GALNT2: variants seen among roughly 807,000 people sequenced by gnomAD.
The protein encoded by GALNT2 is polypeptide N-acetylgalactosaminyltransferase 2.
In GALNT2, 31 loss-of-function variants were observed where a neutral mutation model predicts 81.4. That is an observed-to-expected ratio of 0.38 (90% CI 0.29 to 0.51). The LOEUF (loss-of-function observed/expected upper bound fraction) is 0.51. GALNT2 is among the 20% of genes least tolerant of loss of function. GALNT2 has a pLI of 0.87. For synonymous variants in GALNT2, 303 were observed against 287.4 expected, an observed-to-expected ratio of 1.05 and a Z score of -0.55; for missense variants, 629 against 765.7, an observed-to-expected ratio of 0.82 and a Z score of 2.11.
In GALNT2 at chr1:230,236,728, A is replaced by G; in HGVS notation, c.607+3A>G. On this transcript the variant is annotated splice_donor_region_variant and intron_variant, in intron 6 of 15. Transcript: ENST00000366672. ...TCTTAGAAATGATCGACGAGAAGGT[A>G]AGATTCTTCTTAATTCAGCGCCAAG... 6.2e-7 allele frequency: 1 copy of G among 1,612,778 alleles called. No individual in the cohort carries two copies. Among genetic ancestry groups the G allele is most frequent in the Non-Finnish European group, 8.5e-7 (1 of 1,179,572 alleles).
At chr1:230,156,867 G>A (rs532872682) in intron 1 of GALNT2, among the ~76,000 whole-genome samples, 10 of 152,334 alleles carry the variant, frequency 6.6e-5, no homozygotes, top group East Asian at 1.9e-4. Flanking sequence ...GAAGCTAGCC[G>A]TCTTGTTTGG....
At chr1:230,094,005 TG>T (rs1660169926) in intron 1 of GALNT2, among the ~76,000 whole-genome samples, 2 of 12,288 alleles carry the variant, frequency 1.6e-4, no homozygotes, top group Non-Finnish European at 2.9e-4. Flanking sequence ...TTCGTCCACC[TG>T]TGTGTGTGTG....
At chr1:230,114,271 TCTCTG>T in intron 1 of GALNT2, among the ~76,000 whole-genome samples, 1 of 152,282 alleles carries the variant, frequency 6.6e-6, no homozygotes, top group East Asian at 1.9e-4. Flanking sequence ...GTCGTTCCTT[TCTCTG>T]CTGTCCCCCA....
chr1:230,080,214 C>T (rs1347285906), intron 1 of GALNT2, among the ~76,000 whole-genome samples: 1 of 152,020 alleles, frequency 6.6e-6, no homozygotes. Context: ...TGCAAAGCGC[C>T]GACATCATTA....
chr1:230,139,149 C>T (rs1463135180), intron 1 of GALNT2, among the ~76,000 whole-genome samples: 1 of 152,186 alleles, frequency 6.6e-6, no homozygotes, highest in Non-Finnish European at 1.5e-5. Flanking sequence ...TTCCTGTTGA[C>T]CATTGACAGC....
chr1:230,176,603 G>A (rs945949297), intron 1 of GALNT2, among the ~76,000 whole-genome samples: 1 of 152,144 alleles, frequency 6.6e-6, no homozygotes, highest in Non-Finnish European at 1.5e-5. Context: ...TGCTGATTTC[G>A]TATTCACATG....
At chr1:230,058,112 T>C (rs1483749123) in intron 1 of GALNT2, 2 of 456,224 alleles carry the variant, frequency 4.4e-6, no homozygotes, top group Non-Finnish European at 8.8e-6. Context: ...TACACGTATG[T>C]CCTTAAGTCT....
At chr1:230,067,118 G>A (rs1241037262), upstream of GALNT2, 2 of 189,428 alleles carry the variant, frequency 1.1e-5, no homozygotes, top group Admixed American at 6.3e-5. Context: ...GAGCTCGGGC[G>A]CCGAGTGCGC....
chr1:230,179,733 T>C (rs1663099909), intron 2 of GALNT2, among the ~76,000 whole-genome samples: 1 of 152,214 alleles, frequency 6.6e-6, no homozygotes, highest in Admixed American at 6.5e-5. Flanking sequence ...ATGTTTCTCC[T>C]AGTCTGTGGC....
chr1:230,249,300 C>A (rs752876828), intron 9 of GALNT2, 29 bp downstream of exon 9: 1 of 1,595,672 alleles, frequency 6.3e-7, no homozygotes, highest in Non-Finnish European at 8.6e-7. Context: ...CAGGGTGCCC[C>A]TCCCAGATGA....
chr1:230,058,310 G>A (rs1658964697), intron 1 of GALNT2, among the ~76,000 whole-genome samples: 1 of 152,198 alleles, frequency 6.6e-6, no homozygotes, highest in Admixed American at 6.5e-5. Context: ...AGCCTGAGAT[G>A]AGAGGGTTAC....
intron 2 of GALNT2, among the ~76,000 whole-genome samples, chr1:230,201,729 G>A (rs1020274314): frequency 6.6e-6 from 1 of 152,192 alleles, no homozygotes; most frequent in Non-Finnish European, 1.5e-5. Context: ...TTGCTCCTTA[G>A]TCACACTGGC....
rs1221188083 is a variant in GALNT2, at chr1:230,276,721, G to A, written c.1560+2157G>A. Among the ~76,000 whole-genome samples, 10 of 152,270 alleles carry A rather than the reference G, an allele frequency of 6.6e-5. No homozygotes were observed. In the East Asian group the frequency reaches 7.7e-4, roughly 12 times the overall value. ...CTCTCTAGGGTTCTGCTCACAATCCGCATCTCTAAATGTCCATCTGTGTTG... is the reference window on the plus strand; with the variant it reads ...CTCTCTAGGGTTCTGCTCACAATCCACATCTCTAAATGTCCATCTGTGTTG... On this transcript the variant is annotated intron_variant, in intron 15 of 15. Coordinates refer to ENST00000366672, the MANE Select transcript of GALNT2 (RefSeq NM_004481.5).
intron 1 of GALNT2, among the ~76,000 whole-genome samples, chr1:230,059,193 G>A (rs766484155): frequency 3.9e-5 from 6 of 152,174 alleles, no homozygotes; most frequent in African/African-American, 7.2e-5. Context: ...CAGGGCTCCC[G>A]ACAACTCTGA....
chr1:230,085,014 G>T (rs1659857039), intron 1 of GALNT2, among the ~76,000 whole-genome samples: 1 of 152,176 alleles, frequency 6.6e-6, no homozygotes, highest in South Asian at 2.1e-4. Context: ...AGGTGGAGGT[G>T]CCATTTCATC....
At chr1:230,179,679 A>T (rs994739190) in intron 2 of GALNT2, among the ~76,000 whole-genome samples, 3 of 152,186 alleles carry the variant, frequency 2.0e-5, no homozygotes, top group African/African-American at 7.2e-5. Context: ...AAGAGTCTGT[A>T]TACATTTAGG....
At chr1:230,175,561 C>T (rs1156427722) in intron 1 of GALNT2, among the ~76,000 whole-genome samples, 1 of 97,614 alleles carries the variant, frequency 1.0e-5, no homozygotes, top group Non-Finnish European at 2.0e-5. Flanking sequence ...CCCCCTCCTT[C>T]CCCTCCTCCT....
chr1:230,121,924 G>T, intron 1 of GALNT2, among the ~76,000 whole-genome samples: 1 of 133,142 alleles, frequency 7.5e-6, no homozygotes. Context: ...ATTTCCCTTT[G>T]TAGTTTATTT....
At chr1:230,231,856 A>G (rs1291688328) in intron 3 of GALNT2, among the ~76,000 whole-genome samples, 2 of 151,998 alleles carry the variant, frequency 1.3e-5, no homozygotes, top group African/African-American at 4.8e-5. Flanking sequence ...TCAGCCCGAA[A>G]CCCCGCCCAC....
Sources: gnomAD v4.1 joint callset for allele counts (sites outside exome capture counted in the v4.1 genomes callset) on GRCh38, gnomAD v4.1.1 for gene constraint, MANE v1.5 for transcripts, NCBI Gene and HGNC (gene_info 2026-07-23, HGNC 2026-07-21) for gene names.